ZBTB4: variants seen among roughly 807,000 people sequenced by gnomAD.
The protein encoded by ZBTB4 is zinc finger and BTB domain-containing protein 4.
ZBTB4 carries 14 observed loss-of-function variants against 59.8 expected under a neutral mutation model. The observed-to-expected ratio is 0.23, with a 90% CI of 0.15 to 0.37. The LOEUF (loss-of-function observed/expected upper bound fraction) is 0.37. Ranked by LOEUF, ZBTB4 falls within the 10% of genes least tolerant of loss-of-function variation. ZBTB4 has a pLI of 1.00. For synonymous variants in ZBTB4, 587 were observed against 575.2 expected (o/e 1.02, Z -0.29); for missense variants, 1,198 against 1,380.8 (o/e 0.87, Z 2.10).
chr17:7,474,098 G>T (rs1029993547), intron 1 of ZBTB4, among the ~76,000 whole-genome samples: 1 of 151,870 alleles, frequency 6.6e-6, no homozygotes, highest in Non-Finnish European at 1.5e-5. Context: ...TATATTTTTA[G>T]TAGAGACAGG....
In ZBTB4 at chr17:7,462,033, T is replaced by A; in HGVS notation, c.2949A>T (p.Thr983=). 6.2e-7 allele frequency: 1 copy of A among 1,601,928 alleles called. No individual in the cohort carries two copies. Among genetic ancestry groups the A allele is most frequent in the South Asian group, 1.1e-5 (1 of 89,150 alleles). Residue 983 remains threonine, a synonymous_variant, in exon 4 of 4, where the codon ACA becomes ACT. Coordinates refer to ENST00000380599, the MANE Select transcript of ZBTB4 (RefSeq NM_001128833.2). This position sits in a 1 kb window ranked among gnomAD's most constrained non-coding sequence, Gnocchi z 7.5. ...GTGGAGGAAGAGTTGGGGGAGGTGG[T>A]GTTGGTGGGGCAGGGGGTGCTGCTT... ...NPQAAPPAPP[T]PPPPTLPPPI...
chr17:7,483,492 A>T (rs7216801), upstream of ZBTB4: 41,001 of 216,948 alleles, frequency 0.19, 4,275 homozygotes, highest in Middle Eastern at 0.25. Context: ...ATTACTCTGA[A>T]TGTGGCTTGC....
chr17:7,464,741 GGCAGGAGAATC>G (rs1472632947), intron 3 of ZBTB4, among the ~76,000 whole-genome samples: 1 of 151,324 alleles, frequency 6.6e-6, no homozygotes, highest in Non-Finnish European at 1.5e-5. Flanking sequence ...GGGAAGCTGA[GGCAGGAGAATC>G]GCTTGAACCC....
At chr17:7,477,277 T>C (rs775148527) in intron 1 of ZBTB4, among the ~76,000 whole-genome samples, 22 of 152,190 alleles carry the variant, frequency 1.4e-4, no homozygotes, top group Non-Finnish European at 2.6e-4. Context: ...TTTTGGAAGA[T>C]ACGCAGGGCA....
intron 1 of ZBTB4, among the ~76,000 whole-genome samples, chr17:7,474,142 C>A (rs2150862910): frequency 6.6e-6 from 1 of 151,232 alleles, no homozygotes; most frequent in South Asian, 2.1e-4. Context: ...GTCTCGAACT[C>A]CTGACCTCAG....
upstream of ZBTB4, chr17:7,482,396 T>C (rs1195190902): frequency 6.2e-7 from 1 of 1,613,862 alleles, no homozygotes; most frequent in African/African-American, 1.3e-5. Flanking sequence ...CAAAGGTTCT[T>C]CCACCGTCTG....
chr17:7,474,755 T>G (rs1357374717), intron 1 of ZBTB4, among the ~76,000 whole-genome samples: 1 of 152,022 alleles, frequency 6.6e-6, no homozygotes, highest in Non-Finnish European at 1.5e-5. Flanking sequence ...CGCACACCTG[T>G]AATCCCAGCA....
rs143071258 is a variant in ZBTB4 at position 7,466,645 on chromosome 17, G to T, written c.157C>A (p.Pro53Thr). 1 of 1,613,756 alleles carries T rather than the reference G, an allele frequency of 6.2e-7. No individual in the cohort carries two copies. The highest frequency in any genetic ancestry group is 8.5e-7 in the Non-Finnish European group (1 of 1,179,974). ...AHRSVLAASSPFFREALLTSA... is the reference protein window; with the variant it reads ...AHRSVLAASSTFFREALLTSA... ...GTGAGCAGGGCCTCTCTGAAGAAGG[G>T]ACTTGAAGCAGCCAGGACGCTGCGG... Residue 53 changes from proline (P) to threonine (T), a missense_variant, in exon 3 of 4, where the codon CCC (proline) becomes ACC (threonine). Around this residue, in one of 9 missense-constraint regions of ZBTB4, gnomAD observed 44 missense variants for 86.2 expected, o/e 0.51. Coordinates refer to ENST00000380599, the MANE Select transcript of ZBTB4 (RefSeq NM_001128833.2). The surrounding 1 kb of genome is among the most constrained non-coding windows in gnomAD (Gnocchi z 9.1).
intron 1 of ZBTB4, among the ~76,000 whole-genome samples, chr17:7,476,126 G>C (rs911447436): frequency 5.3e-5 from 8 of 152,106 alleles, no homozygotes; most frequent in African/African-American, 1.9e-4. Flanking sequence ...TGGCCTCCCA[G>C]CTATCCCCTG....
Position 7,460,849 on chromosome 17 carries a change from T to G in ZBTB4, c.*1091A>C, listed in dbSNP as rs1208578525. 6.6e-6 allele frequency: 1 copy of G among 152,560 alleles called. No individual in the cohort carries two copies. The highest frequency in any genetic ancestry group is 2.4e-5 in the African/African-American group (1 of 41,416). 9.5% of individuals were successfully genotyped at this position (152,560 alleles called of 1,614,324 possible). A position where few individuals can be genotyped will look rare whatever the true frequency, so the allele number is the denominator to read the frequency against. On this transcript the variant is annotated 3_prime_UTR_variant, in exon 4 of 4. Coordinates refer to ENST00000380599, the MANE Select transcript of ZBTB4 (RefSeq NM_001128833.2). The stretch of plus-strand genomic sequence containing the variant: ...CCCAAAGCCCACCAGAAGAGTAGAA[T>G]GGTTCCCCCAAAACCATCTGGAGTG...
Position 7,463,577 on chromosome 17 carries a change from G to A in ZBTB4, c.1405C>T (p.Pro469Ser), listed in dbSNP as rs1228550883. The change falls in exon 4 of 4, where the codon CCC (proline) becomes TCC (serine). Residue 469 changes from proline (P) to serine (S), a missense_variant. By Grantham distance (74) the Pro-to-Ser change is moderately conservative. This residue lies in a region of ZBTB4 where 550 missense variants were observed against 541.8 expected (regional missense o/e 1.02). Transcript: ENST00000380599. ...PPPAPEPGPP[P>S]SVITFAHPAP... ...GGGTGGGCAAAAGTGATGACAGAGG[G>A]TGGAGGGCCAGGCTCTGGGGCAGGT... 7 of 1,595,238 alleles carry A rather than the reference G, an allele frequency of 4.4e-6. No individual in the cohort carries two copies. Among genetic ancestry groups the A allele is most frequent in the Non-Finnish European group, 6.0e-6 (7 of 1,171,232 alleles).
chr17:7,476,040 C>T (rs1015103404), intron 1 of ZBTB4, among the ~76,000 whole-genome samples: 3 of 152,212 alleles, frequency 2.0e-5, no homozygotes, highest in Admixed American at 6.5e-5. Flanking sequence ...AAATCGCCGC[C>T]GAGCTTGGGA....
intron 1 of ZBTB4, among the ~76,000 whole-genome samples, chr17:7,476,571 T>TCTGC (rs2070271812): frequency 6.6e-6 from 1 of 152,146 alleles, no homozygotes; most frequent in Non-Finnish European, 1.5e-5. Context: ...GCTGGCTTGT[T>TCTGC]CTGCCAGAAA....
In ZBTB4 at chr17:7,462,529, G is replaced by A. The variant is rs1370421713; in HGVS notation, c.2453C>T (p.Ala818Val). 1.9e-6 allele frequency: 3 copies of A among 1,613,828 alleles called. No homozygotes were observed. Among genetic ancestry groups the A allele is most frequent in the Non-Finnish European group, 2.5e-6 (3 of 1,180,010 alleles). Residue 818 changes from alanine to valine, a missense_variant, in exon 4 of 4, where the codon GCC (alanine) becomes GTC (valine). Physicochemically the swap from Ala to Val is moderately conservative, Grantham distance 64. This residue lies in a region of ZBTB4 where 550 missense variants were observed against 541.8 expected (regional missense o/e 1.02). Coordinates refer to ENST00000380599, the MANE Select transcript of ZBTB4 (RefSeq NM_001128833.2). This position sits in a 1 kb window ranked among gnomAD's most constrained non-coding sequence, Gnocchi z 7.5. ...GTRPGDVKEE[A>V]PQEMQVSSSS... ...TGAGGAGACTTGCATCTCTTGGGGG[G>A]CTTCCTCCTTGACATCCCCGGGCCT... is the stretch of plus-strand genomic sequence containing the variant.
At chr17:7,472,769 T>C (rs887759016) in intron 1 of ZBTB4, among the ~76,000 whole-genome samples, 2 of 149,746 alleles carry the variant, frequency 1.3e-5, no homozygotes, top group Non-Finnish European at 3.0e-5. Context: ...GCGTCCCTAG[T>C]AGCTGGCACC....
upstream of ZBTB4, chr17:7,482,499 T>C (rs770885719): frequency 2.5e-6 from 4 of 1,613,752 alleles, no homozygotes; most frequent in South Asian, 1.1e-5. Context: ...CTAATCATCA[T>C]TGTGGGACCT....
upstream of ZBTB4, among the ~76,000 whole-genome samples, chr17:7,480,757 A>T (rs1199545245): frequency 6.6e-6 from 1 of 152,012 alleles, no homozygotes. Context: ...CTCTGAAACC[A>T]TGCAAGATAT....
At chr17:7,474,337 C>T (rs1355463172) in intron 1 of ZBTB4, among the ~76,000 whole-genome samples, 1 of 150,942 alleles carries the variant, frequency 6.6e-6, no homozygotes, top group African/African-American at 2.4e-5. Flanking sequence ...CTCATTACAG[C>T]CTCCCAAGTA....
upstream of ZBTB4, chr17:7,482,615 C>T (rs760043954): frequency 1.1e-5 from 17 of 1,611,990 alleles, no homozygotes; most frequent in Admixed American, 5.0e-5. Flanking sequence ...TCTGGTCTAT[C>T]GTTCTCTGCA....
Sources: allele counts gnomAD v4.1 joint callset (sites outside exome capture counted in the v4.1 genomes callset), GRCh38; gene constraint gnomAD v4.1.1; regional missense constraint gnomAD v4.1.1; non-coding constraint Gnocchi (gnomAD v3.1); transcripts MANE v1.5; gene names NCBI Gene and HGNC (gene_info 2026-07-23, HGNC 2026-07-21).